The following MTCH1 variants were observed in gnomAD, a reference collection of about 807,000 sequenced individuals.
The protein encoded by MTCH1 is mitochondrial carrier 1, also known as mitochondrial carrier homolog 1.
A neutral mutation model predicts 49.3 loss-of-function variants in MTCH1; 23 were observed. The ratio of observed to expected loss-of-function variants is 0.47; its 90% CI spans 0.34 to 0.66. The LOEUF is 0.66. Ranked by LOEUF, MTCH1 falls within the 30% of genes least tolerant of loss-of-function variation. MTCH1 has a pLI of 0.01. For missense variants in MTCH1, 397 were observed against 532.1 expected (o/e 0.75, Z 2.50); for synonymous variants, 229 against 215.2 (o/e 1.06, Z -0.56).
chr6:36,981,465 TCCATG>T, intron 2 of MTCH1, 118 bp downstream of exon 2: 1 of 839,284 alleles, frequency 1.2e-6, no homozygotes, highest in Admixed American at 2.6e-5. Flanking sequence ...GATCCCCTCC[TCCATG>T]CCAGCTCGAC....
rs759984168 is a variant in MTCH1 at position 36,968,903 on chromosome 6, T to A, written c.1170A>T (p.Ter390TyrextTer18). Residue 390 changes from the stop codon to tyrosine, a stop_lost, in exon 12 of 12, where the codon TAA becomes TAT. Coordinates refer to ENST00000373627, the MANE Select transcript of MTCH1 (RefSeq NM_001271641.2). ...VSSGSCFALE[*>Y] is the part of the protein sequence containing the mutation. ...GACCGTGTTTTTTAGATGATTCAGG[T>A]TACTCCAGGGCAAAGCATGATCCTG... 4 of 1,613,754 alleles carry A rather than the reference T, an allele frequency of 2.5e-6. No homozygotes were observed. In the African/African-American group the frequency reaches 5.3e-5, roughly 22 times the overall value.
At position 36,975,747 on chromosome 6, in the gene MTCH1, G is replaced by A. The variant is rs768730375; in HGVS notation, c.702-30C>T. 16 of 1,606,956 alleles carry A rather than the reference G, an allele frequency of 1.0e-5. No individual in the cohort carries two copies. In the South Asian group the frequency reaches 1.5e-4, roughly 15 times the overall value. The stretch of plus-strand genomic sequence containing the variant: ...GAAGAAGGCAAGACAGAGATACAGG[G>A]TCATGCAGTCACCTACCAGAAGCCC... On this transcript the variant is annotated intron_variant, in intron 6 of 11. Coordinates refer to ENST00000373627, the MANE Select transcript of MTCH1 (RefSeq NM_001271641.2).
chr6:36,981,914 C>T (rs1404642953), intron 1 of MTCH1, among the ~76,000 whole-genome samples: 1 of 152,144 alleles, frequency 6.6e-6, no homozygotes, highest in East Asian at 1.9e-4. Context: ...AACCACAATC[C>T]AAGTCACACC....
rs1350021595 is a variant in MTCH1, at chr6:36,977,986, C to A, written c.591+92G>T. The A allele has an allele frequency of 8.4e-7, 1 of 1,186,766 alleles. No homozygotes were observed. Among genetic ancestry groups the A allele is most frequent in the Non-Finnish European group, 1.3e-6 (1 of 794,962 alleles). The allele number at this position is 1,186,766 out of a possible 1,614,324, so 73.5% of individuals were successfully genotyped here. On this transcript the variant is annotated intron_variant, in intron 4 of 11. Coordinates refer to ENST00000373627, the MANE Select transcript of MTCH1 (RefSeq NM_001271641.2). This position sits in a 1 kb window ranked among gnomAD's most constrained non-coding sequence, Gnocchi z 5.4. The stretch of plus-strand genomic sequence containing the variant: ...CCCATGCATACACAAGGACCCAACT[C>A]TTCGACTTGTCAATGACCCGCCCAA...
At chr6:36,985,702 TCCCATCCCACCCACTCG>T in intron 1 of MTCH1, 134 bp downstream of exon 1, 1 of 352,992 alleles carries the variant, frequency 2.8e-6, no homozygotes, top group Non-Finnish European at 5.6e-6. Context: ...ACGGCTTCCC[TCCCATCCCACCCACTCG>T]GCCCCCCAAA....
In MTCH1 at chr6:36,985,936, T is replaced by C; in HGVS notation, c.238A>G (p.Thr80Ala). The C allele has an allele frequency of 6.4e-7, 1 of 1,552,456 alleles. No individual in the cohort carries two copies. Among genetic ancestry groups the C allele is most frequent in the Non-Finnish European group, 8.7e-7 (1 of 1,148,178 alleles). ...GGLGSGDNAPTTEALFVALGA... is the reference protein window; with the variant it reads ...GGLGSGDNAPATEALFVALGA... Reference sequence around the variant, plus strand: ...AGTGCCACGAAAAGAGCCTCAGTGGTCGGGGCGTTGTCCCCAGACCCCAGG... The same window carrying C: ...AGTGCCACGAAAAGAGCCTCAGTGGCCGGGGCGTTGTCCCCAGACCCCAGG... The change falls in exon 1 of 12, where the codon ACC becomes GCC. Residue 80 changes from threonine (T) to alanine (A), a missense_variant. By Grantham distance (58) the Thr-to-Ala change is moderately conservative. Around this residue, in one of 2 missense-constraint regions of MTCH1, gnomAD observed 145 missense variants for 143.8 expected, o/e 1.01. Coordinates refer to ENST00000373627, the MANE Select transcript of MTCH1 (RefSeq NM_001271641.2).
intron 2 of MTCH1, among the ~76,000 whole-genome samples, chr6:36,980,021 A>ATG (rs1764030835): frequency 6.6e-6 from 1 of 152,180 alleles, no homozygotes; most frequent in African/African-American, 2.4e-5. Flanking sequence ...ACACCAGAGA[A>ATG]TGTCATGACA....
rs758397722 is a variant in MTCH1 at position 36,968,814 on chromosome 6, T to C, written c.*89A>G. 4.1e-5 allele frequency: 65 copies of C among 1,579,430 alleles called. No homozygotes were observed. Among genetic ancestry groups the C allele is most frequent in the Non-Finnish European group, 5.4e-5 (62 of 1,152,052 alleles). The stretch of plus-strand genomic sequence containing the variant: ...GGGCTGGAGCACATCTGGTTGTTGT[T>C]GGGTTGGAGTCGTCTTGCAGGTGTC... On this transcript the variant is annotated 3_prime_UTR_variant, in exon 12 of 12. Transcript: ENST00000373627.
chr6:36,970,868 G>C, intron 8 of MTCH1, 174 bp from the exon 9 acceptor site: 2 of 738,518 alleles, frequency 2.7e-6, no homozygotes, highest in Non-Finnish European at 4.6e-6. Context: ...GCAGAAACGG[G>C]GTAAGTGGAC....
At chr6:36,985,090 C>G (rs1339521939) in intron 1 of MTCH1, among the ~76,000 whole-genome samples, 1 of 149,538 alleles carries the variant, frequency 6.7e-6, no homozygotes, top group Admixed American at 6.7e-5. Context: ...TCCCCCCATA[C>G]GCGTCACCCT....
intron 2 of MTCH1, among the ~76,000 whole-genome samples, chr6:36,979,506 A>T (rs1404859895): frequency 6.6e-6 from 1 of 152,212 alleles, no homozygotes; most frequent in Non-Finnish European, 1.5e-5. Flanking sequence ...CACCGCGCAG[A>T]GGCAGGAAGA....
chr6:36,970,235 C>T (rs1763630617), intron 10 of MTCH1, 121 bp from the exon 11 acceptor site: 4 of 1,415,160 alleles, frequency 2.8e-6, no homozygotes, highest in Non-Finnish European at 3.9e-6. Flanking sequence ...CCTGACACCA[C>T]AGTTTACCCC....
In MTCH1 at chr6:36,977,249, GA is replaced by G; in HGVS notation, c.650del (p.Val217AlafsTer21). ...VSRMLAHPLHVISMRCMVQFV... is the reference protein window; with the variant it reads ...VSRMLAHPLHXISMRCMVQFV... ...ACTGGACCATGCAGCGCATTGAGATGACTGAGGAAAAAAAAGAAAACACACA... is the reference window on the plus strand; with the variant it reads ...ACTGGACCATGCAGCGCATTGAGATGCTGAGGAAAAAAAAGAAAACACACA... On this transcript the variant is annotated frameshift_variant and splice_region_variant, in exon 6 of 12. Transcript: ENST00000373627. LOFTEE classifies it high-confidence loss of function. The surrounding 1 kb of genome is among the most constrained non-coding windows in gnomAD (Gnocchi z 5.4). 6.2e-7 allele frequency: 1 copy of G among 1,613,952 alleles called. No individual in the cohort carries two copies. Among genetic ancestry groups the G allele is most frequent in the Non-Finnish European group, 8.5e-7 (1 of 1,179,952 alleles).
Position 36,978,539 on chromosome 6 carries a change from G to T in MTCH1, c.479C>A (p.Ala160Asp). The T allele has an allele frequency of 6.2e-7, 1 of 1,614,164 alleles. No individual in the cohort carries two copies. Among genetic ancestry groups the T allele is most frequent in the Non-Finnish European group, 8.5e-7 (1 of 1,180,008 alleles). ...GCTACCCCGAGTCACAGTAGAGAGG[G>T]CGTTGGACATCAGCCGGGGACTCAG... Reference protein sequence around the residue: ...RGLSPRLMSNALSTVTRGSMK... With the variant: ...RGLSPRLMSNDLSTVTRGSMK... The change falls in exon 3 of 12, where the codon GCC becomes GAC. Residue 160 changes from alanine to aspartate, a missense_variant. Transcript: ENST00000373627.
rs188810107 is a variant in MTCH1 at position 36,968,803 on chromosome 6, C to T, written c.*100G>A. 1.3e-6 allele frequency: 2 copies of T among 1,556,636 alleles called. No homozygotes were observed. The highest frequency in any genetic ancestry group is 4.5e-5 in the East Asian group (2 of 44,002). On this transcript the variant is annotated 3_prime_UTR_variant, in exon 12 of 12. Coordinates refer to ENST00000373627, the MANE Select transcript of MTCH1 (RefSeq NM_001271641.2). ...GAAGCCCGGCTGGGCTGGAGCACATCTGGTTGTTGTTGGGTTGGAGTCGTC... is the reference window on the plus strand; with the variant it reads ...GAAGCCCGGCTGGGCTGGAGCACATTTGGTTGTTGTTGGGTTGGAGTCGTC...
Position 36,978,070 on chromosome 6 carries a change from A to T in MTCH1, c.591+8T>A, listed in dbSNP as rs1763955783. 2 of 1,608,152 alleles carry T rather than the reference A, an allele frequency of 1.2e-6. No individual in the cohort carries two copies. The highest frequency in any genetic ancestry group is 4.5e-5 in the East Asian group (2 of 44,846). On this transcript the variant is annotated splice_region_variant and intron_variant, in intron 4 of 11. Coordinates refer to ENST00000373627, the MANE Select transcript of MTCH1 (RefSeq NM_001271641.2). ...CGCACCTCTCCCTCTCCAACTCTCA[A>T]CACCCACCTCCTTCACAACTTTCTT...
At chr6:36,973,526 T>A (rs947452163) in intron 7 of MTCH1, among the ~76,000 whole-genome samples, 11 of 152,234 alleles carry the variant, frequency 7.2e-5, no homozygotes, top group African/African-American at 2.4e-5. Flanking sequence ...CAAAAGAATA[T>A]ATGTAATACA....
At position 36,977,133 on chromosome 6, in the gene MTCH1, A is replaced by G; in HGVS notation, c.701+66T>C. The stretch of plus-strand genomic sequence containing the variant: ...AAAAGGTGCAGCAACCAATCCCAGC[A>G]CGGCCTGCCCTGGCCGACTCTGAAA... On this transcript the variant is annotated intron_variant, in intron 6 of 11. Coordinates refer to ENST00000373627, the MANE Select transcript of MTCH1 (RefSeq NM_001271641.2). The surrounding 1 kb of genome is among the most constrained non-coding windows in gnomAD (Gnocchi z 5.4). 1 of 1,539,946 alleles carries G rather than the reference A, an allele frequency of 6.5e-7. No individual in the cohort carries two copies. Among genetic ancestry groups the G allele is most frequent in the African/African-American group, 1.4e-5 (1 of 73,508 alleles).
chr6:36,983,578 G>A (rs148504720), intron 1 of MTCH1, among the ~76,000 whole-genome samples: 253 of 152,130 alleles, frequency 1.7e-3, no homozygotes, highest in African/African-American at 5.5e-3. Flanking sequence ...TTAATTATTT[G>A]TTCCCAAGTC....
Sources: allele counts gnomAD v4.1 joint callset (sites outside exome capture counted in the v4.1 genomes callset), GRCh38; gene constraint gnomAD v4.1.1; regional missense constraint gnomAD v4.1.1; non-coding constraint Gnocchi (gnomAD v3.1); transcripts MANE v1.5; gene names NCBI Gene and HGNC (gene_info 2026-07-23, HGNC 2026-07-21).